Variants in DSPP observed in about 807,000 individuals in gnomAD.
DSPP encodes the protein dentin sialophosphoprotein, also known as deafness, autosomal dominant 39.
In DSPP, 28 loss-of-function variants were observed where a neutral mutation model predicts 29.1. The observed-to-expected ratio is 0.96, with a 90% CI of 0.71 to 1.32. The LOEUF is 1.32. DSPP is among the 40% of genes most tolerant of loss of function. The pLI, the probability that DSPP is intolerant of heterozygous loss-of-function variation, is 0.00. For missense variants in DSPP, 1,281 were observed against 1,629.9 expected, an observed-to-expected ratio of 0.79 and a Z score of 3.69; for synonymous variants, 481 against 503.4, an observed-to-expected ratio of 0.96 and a Z score of 0.60.
intron 1 of DSPP, among the ~76,000 whole-genome samples, chr4:87,609,846 C>T (rs1435170413): frequency 6.6e-6 from 1 of 152,124 alleles, no homozygotes; most frequent in Non-Finnish European, 1.5e-5. Context: ...TTTTTTTACT[C>T]ACACAGATTA....
Position 87,614,669 on chromosome 4 carries a change from T to A in DSPP, c.2007T>A (p.Ser669Arg). ...ATAGCAGTAACAGCAGTGATAGTAG[T>A]GACAGCAGTGATAGCAGTGACAGCA... ...SSNSSNSSDS[S>R]DSSDSSDSSS... Residue 669 changes from serine (S) to arginine (R), a missense_variant, in exon 5 of 5, where the codon AGT becomes AGA. Coordinates refer to ENST00000651931, the MANE Select transcript of DSPP (RefSeq NM_014208.3). 2 of 1,538,204 alleles carry A rather than the reference T, an allele frequency of 1.3e-6. No individual in the cohort carries two copies. The highest frequency in any genetic ancestry group is 2.4e-5 in the South Asian group (2 of 83,322).
rs1399647847 is a variant in DSPP at position 87,613,207 on chromosome 4, A to C, written c.1021A>C (p.Ile341Leu). The change falls in exon 4 of 5, where the codon ATA (isoleucine) becomes CTA (leucine). Residue 341 changes from isoleucine to leucine, a missense_variant. By Grantham distance (5) the Ile-to-Leu change is conservative (BLOSUM62 2). Around this residue, in one of 4 missense-constraint regions of DSPP, gnomAD observed 631 missense variants for 643.2 expected, o/e 0.98. Coordinates refer to ENST00000651931, the MANE Select transcript of DSPP (RefSeq NM_014208.3). ...GIPEDNGSQRIEDTQKLNHRE... is the reference protein window; with the variant it reads ...GIPEDNGSQRLEDTQKLNHRE... Reference sequence around the variant, plus strand: ...TCCAGAAGACAATGGCAGCCAAAGAATAGAGGACACCCAGAAGCTCAACCA... The same window carrying C: ...TCCAGAAGACAATGGCAGCCAAAGACTAGAGGACACCCAGAAGCTCAACCA... 7 of 1,613,970 alleles carry C rather than the reference A, an allele frequency of 4.3e-6. No homozygotes were observed. The East Asian group carries it at 1.6e-4, about 36-fold the overall frequency.
intron 1 of DSPP, 89 bp from the exon 2 acceptor site, chr4:87,610,792 A>C (rs1341531040): frequency 1.1e-6 from 1 of 873,120 alleles, no homozygotes; most frequent in East Asian, 2.6e-5. Context: ...GTCCAGGAAA[A>C]GGGCAAATGC....
In DSPP at chr4:87,612,611, T is replaced by C. The variant is rs758937337; in HGVS notation, c.425T>C (p.Ile142Thr). The C allele has an allele frequency of 1.9e-6, 3 of 1,613,942 alleles. No homozygotes were observed. The highest frequency in any genetic ancestry group is 2.5e-6 in the Non-Finnish European group (3 of 1,179,976). The change falls in exon 4 of 5, where the codon ATC (isoleucine) becomes ACC (threonine). Residue 142 changes from isoleucine to threonine, a missense_variant. Physicochemically the swap from Ile to Thr is moderately conservative, Grantham distance 89. Coordinates refer to ENST00000651931, the MANE Select transcript of DSPP (RefSeq NM_014208.3). ...TANGIQGQVS[I>T]IDNAGATNRS... is the part of the protein sequence containing the mutation. ...AATGGCATCCAGGGACAAGTAAGCA[T>C]CATTGACAATGCTGGAGCCACAAAC...
At chr4:87,610,052 G>GT (rs1378757077) in intron 1 of DSPP, among the ~76,000 whole-genome samples, 1 of 152,190 alleles carries the variant, frequency 6.6e-6, no homozygotes, top group Non-Finnish European at 1.5e-5. Flanking sequence ...TTCAGAAAAC[G>GT]TTTTTTTCTG....
At chr4:87,609,219 C>T (rs967429909) in intron 1 of DSPP, among the ~76,000 whole-genome samples, 22 of 152,140 alleles carry the variant, frequency 1.4e-4, no homozygotes, top group East Asian at 9.6e-4. Flanking sequence ...GCCTTGGAAA[C>T]GGTGATAACC....
In DSPP at chr4:87,614,380, A is replaced by T. The variant is rs1457997016; in HGVS notation, c.1718A>T (p.Asp573Val). 3 of 1,583,038 alleles carry T rather than the reference A, an allele frequency of 1.9e-6. No individual in the cohort carries two copies. ...SSDSSDSDSS[D>V]SNSSSDSDSS... is the part of the protein sequence containing the mutation. ...GACAGCAGTGACAGTGACAGCAGTG[A>T]TAGCAACAGTAGCAGTGATAGTGAC... is the stretch of plus-strand genomic sequence containing the variant. The change falls in exon 5 of 5, where the codon GAT (aspartate) becomes GTT (valine). Residue 573 changes from aspartate to valine, a missense_variant. Asp to Val is a radical substitution (Grantham distance 152). Around this residue, in one of 4 missense-constraint regions of DSPP, gnomAD observed 444 missense variants for 611.4 expected, o/e 0.73. Transcript: ENST00000651931.
Position 87,610,899 on chromosome 4 carries a change from C to G in DSPP, c.-10C>G, listed in dbSNP as rs1057049906. The G allele has an allele frequency of 6.2e-7, 1 of 1,609,986 alleles. No homozygotes were observed. The highest frequency in any genetic ancestry group is 8.5e-7 in the Non-Finnish European group (1 of 1,176,546). The stretch of plus-strand genomic sequence containing the variant: ...TATACAGCCATTGATTATTATTATT[C>G]CTAAAGAAAATGAAGATAATTACAT... On this transcript the variant is annotated 5_prime_UTR_variant, in exon 2 of 5. Coordinates refer to ENST00000651931, the MANE Select transcript of DSPP (RefSeq NM_014208.3).
chr4:87,614,359 G>C lies in DSPP; in HGVS notation c.1697G>C (p.Ser566Thr). Residue 566 changes from serine to threonine, a missense_variant, in exon 5 of 5, where the codon AGC becomes ACC. Transcript: ENST00000651931. ...AGCAATAGCAGTGATAGTAGTGACA[G>C]CAGTGACAGTGACAGCAGTGATAGC... The part of the protein sequence containing the change: ...DSSNSSDSSD[S>T]SDSDSSDSNS... The C allele has an allele frequency of 6.3e-7, 1 of 1,599,026 alleles. No individual in the cohort carries two copies. The highest frequency in any genetic ancestry group is 1.1e-5 in the South Asian group (1 of 88,726).
In DSPP at chr4:87,613,011, T is replaced by C. The variant is rs758119714; in HGVS notation, c.825T>C (p.Asn275=). ...EEAGNGKDSS[N]NSKGQEGQDH... is the part of the protein sequence containing the mutation. ...CAGGGAATGGAAAAGACAGTAGTAA[T>C]AACAGCAAGGGCCAGGAGGGCCAGG... Residue 275 remains asparagine (N), a synonymous_variant, in exon 4 of 5, where the codon AAT becomes AAC. Transcript: ENST00000651931. 2 of 1,613,854 alleles carry C rather than the reference T, an allele frequency of 1.2e-6. No individual in the cohort carries two copies. Among genetic ancestry groups the C allele is most frequent in the Non-Finnish European group, 8.5e-7 (1 of 1,180,006 alleles).
At chr4:87,612,035 G>T in intron 2 of DSPP, 70 bp from the exon 3 acceptor site, 1 of 1,063,248 alleles carries the variant, frequency 9.4e-7, no homozygotes. Context: ...GTGTGTGTGT[G>T]TGTGTGCACG....
rs531760815 is a variant in DSPP, at chr4:87,615,075, A to C, written c.2413A>C (p.Asn805His). The change falls in exon 5 of 5, where the codon AAC (asparagine) becomes CAC (histidine). Residue 805 changes from asparagine (N) to histidine (H), a missense_variant. Physicochemically the swap from Asn to His is moderately conservative, Grantham distance 68. Transcript: ENST00000651931. ...TAGCAGCAACAGCAGTGATAGCAGCAACAGCAGTGATAGCAGTGATAGCAG... is the reference window on the plus strand; with the variant it reads ...TAGCAGCAACAGCAGTGATAGCAGCCACAGCAGTGATAGCAGTGATAGCAG... ...SDSSNSSDSS[N>H]SSDSSDSSDS... 2.6e-6 allele frequency: 4 copies of C among 1,550,044 alleles called. No individual in the cohort carries two copies. Among genetic ancestry groups the C allele is most frequent in the Middle Eastern group, 3.4e-4 (2 of 5,964 alleles).
At position 87,615,038 on chromosome 4, in the gene DSPP, T is replaced by C. The variant is rs1296507080; in HGVS notation, c.2376T>C (p.Ser792=). The C allele has an allele frequency of 1.9e-6, 3 of 1,549,916 alleles. No homozygotes were observed. The highest frequency in any genetic ancestry group is 2.0e-5 in the Admixed American group (1 of 50,836). The change falls in exon 5 of 5, where the codon AGT becomes AGC. Residue 792 remains serine, a synonymous_variant. Coordinates refer to ENST00000651931, the MANE Select transcript of DSPP (RefSeq NM_014208.3). ...ATAGCAACGACAGCAGCAATAGCAG[T>C]GACAGCAGTGATAGCAGCAACAGCA... The part of the protein sequence containing the change: ...SSDSNDSSNS[S]DSSDSSNSSD...
chr4:87,612,054 CAT>C (rs1484498829), intron 2 of DSPP, 49 bp from the exon 3 acceptor site: 1 of 1,534,480 alleles, frequency 6.5e-7, no homozygotes, highest in Non-Finnish European at 9.0e-7. Flanking sequence ...CGCTCACACA[CAT>C]ATTCACAAAT....
Position 87,615,536 on chromosome 4 carries a change from T to G in DSPP, c.2874T>G (p.Asn958Lys). 1 of 1,530,504 alleles carries G rather than the reference T, an allele frequency of 6.5e-7. No individual in the cohort carries two copies. The highest frequency in any genetic ancestry group is 8.8e-7 in the Non-Finnish European group (1 of 1,139,892). 94.8% of individuals were successfully genotyped at this position (1,530,504 alleles called of 1,614,324 possible). A position where few individuals can be genotyped will look rare whatever the true frequency, so the allele number is the denominator to read the frequency against. Reference sequence around the variant, plus strand: ...GCAGTAATAGTAGTGACAGCAGCAATAGCAGTGACAGCAGCAACAGCAGTG... The same window carrying G: ...GCAGTAATAGTAGTGACAGCAGCAAGAGCAGTGACAGCAGCAACAGCAGTG... ...SDSSNSSDSS[N>K]SSDSSNSSDS... The change falls in exon 5 of 5, where the codon AAT (asparagine) becomes AAG (lysine). Residue 958 changes from asparagine to lysine, a missense_variant. This residue lies in a region of DSPP where 444 missense variants were observed against 611.4 expected (regional missense o/e 0.73). Coordinates refer to ENST00000651931, the MANE Select transcript of DSPP (RefSeq NM_014208.3).
At chr4:87,610,633 T>C (rs1253963860) in intron 1 of DSPP, among the ~76,000 whole-genome samples, 1 of 152,162 alleles carries the variant, frequency 6.6e-6, no homozygotes, top group Admixed American at 6.5e-5. Context: ...GCTATGCCCT[T>C]TGTACCTATT....
chr4:87,615,221 C>G lies in DSPP; in HGVS notation c.2559C>G (p.Ser853Arg). Residue 853 changes from serine (S) to arginine (R), a missense_variant, in exon 5 of 5, where the codon AGC (serine) becomes AGG (arginine). Transcript: ENST00000651931. ...DSSDSSDGSDSDSSNRSDSSN... is the reference protein window; with the variant it reads ...DSSDSSDGSDRDSSNRSDSSN... ...GCGATAGCAGTGACGGCAGTGATAG[C>G]GACAGCAGCAATAGAAGTGACAGTA... 7 of 1,526,518 alleles carry G rather than the reference C, an allele frequency of 4.6e-6. No individual in the cohort carries two copies. The highest frequency in any genetic ancestry group is 5.3e-6 in the Non-Finnish European group (6 of 1,133,140). 94.6% of individuals were successfully genotyped at this position (1,526,518 alleles called of 1,614,324 possible).
At position 87,612,901 on chromosome 4, in the gene DSPP, C is replaced by A; in HGVS notation, c.715C>A (p.Leu239Met). 1 of 1,614,072 alleles carries A rather than the reference C, an allele frequency of 6.2e-7. No homozygotes were observed. Among genetic ancestry groups the A allele is most frequent in the Non-Finnish European group, 8.5e-7 (1 of 1,180,002 alleles). The change falls in exon 4 of 5, where the codon CTG becomes ATG. Residue 239 changes from leucine (L) to methionine (M), a missense_variant. Physicochemically the swap from Leu to Met is conservative, Grantham distance 15 (BLOSUM62 2). Around this residue, in one of 4 missense-constraint regions of DSPP, gnomAD observed 631 missense variants for 643.2 expected, o/e 0.98. Coordinates refer to ENST00000651931, the MANE Select transcript of DSPP (RefSeq NM_014208.3). ...ACCAGGCACTGGAGAAGATGCTGGC[C>A]TGGATAATTCCGATGGGAGTCCTAG... ...VTPGTGEDAGLDNSDGSPSGN... is the reference protein window; with the variant it reads ...VTPGTGEDAGMDNSDGSPSGN...
chr4:87,611,023 A>G (rs1727723425), intron 2 of DSPP, 64 bp downstream of exon 2: 1 of 1,275,528 alleles, frequency 7.8e-7, no homozygotes, highest in Non-Finnish European at 1.1e-6. Flanking sequence ...ACATTAATAC[A>G]AAATGTAGTG....
Sources: allele counts gnomAD v4.1 joint callset (sites outside exome capture counted in the v4.1 genomes callset), GRCh38; gene constraint gnomAD v4.1.1; regional missense constraint gnomAD v4.1.1; transcripts MANE v1.5; gene names NCBI Gene and HGNC (gene_info 2026-07-23, HGNC 2026-07-21).